Variants in RTF2 observed in about 807,000 individuals in gnomAD.
The protein encoded by RTF2 is UPF0549 protein C20orf43.
RTF2 carries 18 observed loss-of-function variants against 38.0 expected under a neutral mutation model. That is an observed-to-expected ratio of 0.47 (90% confidence interval 0.33 to 0.70). The LOEUF (loss-of-function observed/expected upper bound fraction) is 0.70, where lower values mean the gene tolerates loss of function less well. RTF2 is among the 30% of genes least tolerant of loss of function. The pLI is 0.02. For missense variants in RTF2, 311 were observed against 379.6 expected (o/e 0.82, Z 1.50); for synonymous variants, 126 against 137.1 (o/e 0.92, Z 0.57).
chr20:56,491,685 C>G, intron 5 of RTF2: 3 of 1,552,280 alleles, frequency 1.9e-6, no homozygotes, highest in East Asian at 2.4e-5. Context: ...ACAAGCGGGT[C>G]TGTCGAGGGT....
chr20:56,512,793 C>T (rs1031879490), intron 5 of RTF2, among the ~76,000 whole-genome samples: 14 of 152,198 alleles, frequency 9.2e-5, no homozygotes, highest in African/African-American at 2.7e-4. Context: ...GGCTTCCTTA[C>T]GCGCACTCCC....
chr20:56,480,004 A>C (rs752377666), intron 4 of RTF2, among the ~76,000 whole-genome samples: 1 of 152,164 alleles, frequency 6.6e-6, no homozygotes, highest in African/African-American at 2.4e-5. Context: ...CATTGGCCCA[A>C]CTGAAAGTCA....
chr20:56,472,264 C>T (rs1600791323), intron 1 of RTF2: 1 of 956,996 alleles, frequency 1.0e-6, no homozygotes, highest in Non-Finnish European at 1.6e-6. Flanking sequence ...TTGTTTTTGT[C>T]TTCTTTTTTT....
At chr20:56,472,098 G>A (rs945035338) in intron 1 of RTF2, among the ~76,000 whole-genome samples, 7 of 151,560 alleles carry the variant, frequency 4.6e-5, no homozygotes, top group African/African-American at 1.5e-4. Flanking sequence ...GCGCTTGCTT[G>A]TAGTCCTAGC....
rs553476832 is a variant in RTF2 at position 56,497,315 on chromosome 20, T to C, written c.477+13126T>C. The C allele has an allele frequency of 8.8e-5, 136 of 1,550,826 alleles. No individual in the cohort carries two copies. The African/African-American group carries it at 1.4e-3, about 16-fold the overall frequency. On this transcript the variant is annotated intron_variant, in intron 5 of 8. Coordinates refer to ENST00000357348, the MANE Select transcript of RTF2 (RefSeq NM_016407.5). ...CCTCTTCTGCAGACAGGGGTCTGGTTATGAAATGCAGCCCCCGAGAAATCC... is the reference window on the plus strand; with the variant it reads ...CCTCTTCTGCAGACAGGGGTCTGGTCATGAAATGCAGCCCCCGAGAAATCC...
At chr20:56,493,526 T>C (rs1489372524) in intron 5 of RTF2, among the ~76,000 whole-genome samples, 2 of 151,888 alleles carry the variant, frequency 1.3e-5, no homozygotes, top group African/African-American at 4.8e-5. Context: ...TTTGGTGGCT[T>C]ACACCTGTAT....
chr20:56,483,977 A>G (rs754814101), intron 4 of RTF2, 134 bp from the exon 5 acceptor site: 38 of 591,156 alleles, frequency 6.4e-5, no homozygotes, highest in Non-Finnish European at 1.1e-4. Context: ...TTCTATGAGA[A>G]CGTACTGATT....
At chr20:56,497,372 A>G (rs961056938) in intron 5 of RTF2, 2 of 1,549,874 alleles carry the variant, frequency 1.3e-6, no homozygotes, top group African/African-American at 1.4e-5. Context: ...GTAAATGAGC[A>G]TGTATTTCAG....
chr20:56,505,140 G>C (rs1984183022), intron 5 of RTF2, among the ~76,000 whole-genome samples: 1 of 152,172 alleles, frequency 6.6e-6, no homozygotes, highest in Non-Finnish European at 1.5e-5. Flanking sequence ...CACATTGCCA[G>C]CTTGTGAGGT....
chr20:56,518,105 C>T lies in RTF2; in HGVS notation c.761C>T (p.Ser254Phe). The change falls in exon 9 of 9, where the codon TCT (serine) becomes TTT (phenylalanine). Residue 254 changes from serine (S) to phenylalanine (F), a missense_variant. Transcript: ENST00000357348. The stretch of plus-strand genomic sequence containing the variant: ...TTTCTAGCAATGAATGAGAGCTCTT[C>T]TGGAAAAGCTGGGAAGCCTCCGTGT... ...PKSTAMNESSSGKAGKPPCGA... is the reference protein window; with the variant it reads ...PKSTAMNESSFGKAGKPPCGA... 2 of 1,611,012 alleles carry T rather than the reference C, an allele frequency of 1.2e-6. No individual in the cohort carries two copies. Among genetic ancestry groups the T allele is most frequent in the Non-Finnish European group, 8.5e-7 (1 of 1,179,074 alleles).
chr20:56,513,401 G>C lies in RTF2; in HGVS notation c.564G>C (p.Glu188Asp). 6.2e-7 allele frequency: 1 copy of C among 1,604,642 alleles called. No individual in the cohort carries two copies. Among genetic ancestry groups the C allele is most frequent in the Non-Finnish European group, 8.5e-7 (1 of 1,175,950 alleles). The change falls in exon 6 of 9, where the codon GAG becomes GAC. Residue 188 changes from glutamate (E) to aspartate (D), a missense_variant. Glu to Asp is a conservative substitution (Grantham distance 45, BLOSUM62 2). Transcript: ENST00000357348. ...DVDVLKTRME[E>D]RRLRAKLEKK... Reference sequence around the variant, plus strand: ...ACGTGCTGAAGACAAGGATGGAGGAGAGAAGGCTGAGAGCGAAGCTGGAAA... The same window carrying C: ...ACGTGCTGAAGACAAGGATGGAGGACAGAAGGCTGAGAGCGAAGCTGGAAA...
intron 3 of RTF2, among the ~76,000 whole-genome samples, chr20:56,476,158 T>TG (rs1287947115): frequency 1.3e-5 from 2 of 152,234 alleles, no homozygotes; most frequent in African/African-American, 4.8e-5. Context: ...AGCTGTGTCT[T>TG]GGAGTGTGAC....
intron 2 of RTF2, 32 bp downstream of exon 2, chr20:56,473,427 T>G: frequency 7.0e-7 from 1 of 1,432,022 alleles, no homozygotes; most frequent in Non-Finnish European, 9.5e-7. Context: ...AAGATGAGTT[T>G]GTTAAGTGAT....
intron 5 of RTF2, among the ~76,000 whole-genome samples, chr20:56,495,705 AATTAT>A (rs1488987571): frequency 6.6e-6 from 1 of 152,158 alleles, no homozygotes; most frequent in East Asian, 1.9e-4. Context: ...GTGGACATGA[AATTAT>A]ATTAAAAAAA....
chr20:56,494,235 T>G (rs2870744), intron 5 of RTF2, among the ~76,000 whole-genome samples: 125,467 of 152,174 alleles, frequency 0.82, 51,933 homozygotes, highest in East Asian at 0.99. Flanking sequence ...GCTAGTGATG[T>G]TAAGAACTTT....
At chr20:56,503,117 C>T (rs1183798227) in intron 5 of RTF2, among the ~76,000 whole-genome samples, 1 of 152,194 alleles carries the variant, frequency 6.6e-6, no homozygotes. Flanking sequence ...TTCACTTGTC[C>T]TAAAGTCTCT....
At chr20:56,509,916 A>G (rs1984531674) in intron 5 of RTF2, among the ~76,000 whole-genome samples, 1 of 145,384 alleles carries the variant, frequency 6.9e-6, no homozygotes, top group Non-Finnish European at 1.6e-5. Flanking sequence ...ATTTGGCAAT[A>G]AGAAGAAATG....
rs180736293 is a variant in RTF2, at chr20:56,494,828, C to T, written c.477+10639C>T. 4.0e-3 allele frequency among the ~76,000 whole-genome samples: 613 copies of T among 152,314 alleles called. 4 individuals are homozygous for T. The highest frequency in any genetic ancestry group is 0.014 in the African/African-American group (580 of 41,568). On this transcript the variant is annotated intron_variant, in intron 5 of 8. Coordinates refer to ENST00000357348, the MANE Select transcript of RTF2 (RefSeq NM_016407.5). ...TAGTTTATTTTTAATATCTAGTCTA[C>T]TGTATTCAAACCCAAGGTCTCTACC... is the stretch of plus-strand genomic sequence containing the variant.
At chr20:56,503,389 G>A (rs184447311) in intron 5 of RTF2, among the ~76,000 whole-genome samples, 1 of 152,184 alleles carries the variant, frequency 6.6e-6, no homozygotes, top group South Asian at 2.1e-4. Context: ...ACAACGACAA[G>A]AAATAAAACA....
Sources: allele counts gnomAD v4.1 joint callset (sites outside exome capture counted in the v4.1 genomes callset), GRCh38; gene constraint gnomAD v4.1.1; transcripts MANE v1.5; gene names NCBI Gene and HGNC (gene_info 2026-07-23, HGNC 2026-07-21).